The following SLC14A2 variants were observed in gnomAD, a reference collection of about 807,000 sequenced individuals.
The protein encoded by SLC14A2 is urea transporter 2.
A neutral mutation model predicts 104.6 loss-of-function variants in SLC14A2; 91 were observed. That is an observed-to-expected ratio of 0.87 (90% CI 0.73 to 1.04). The LOEUF is 1.04. SLC14A2 is among the 50% of genes least tolerant of loss of function. SLC14A2 has a pLI of 0.00. For synonymous variants in SLC14A2, 476 were observed against 466.4 expected (o/e 1.02, Z -0.27); for missense variants, 1,189 against 1,156.0 (o/e 1.03, Z -0.41).
At chr18:45,484,713 T>G (rs2087565544) in intron 2 of SLC14A2, among the ~76,000 whole-genome samples, 1 of 152,112 alleles carries the variant, frequency 6.6e-6, no homozygotes. Flanking sequence ...GATACTAGCT[T>G]TCAAACTAAC....
intron 1 of SLC14A2, among the ~76,000 whole-genome samples, chr18:45,225,883 T>C (rs1158092453): frequency 6.6e-6 from 1 of 152,122 alleles, no homozygotes; most frequent in Non-Finnish European, 1.5e-5. Flanking sequence ...CTTAAGGAGA[T>C]TTTGGGCTGA....
Position 45,628,094 on chromosome 18 carries a change from T to C in SLC14A2, c.521+947T>C, listed in dbSNP as rs189645241. On this transcript the variant is annotated intron_variant, in intron 4 of 19. Transcript: ENST00000255226. ...CCACTTCCTGAGACTTTGCCGTATA[T>C]TTTTCCAGTGGCTCCCAAACTTTCC... Among the ~76,000 whole-genome samples, 2 of 152,182 alleles carry C rather than the reference T, an allele frequency of 1.3e-5. 1 individual carries two copies. The highest frequency in any genetic ancestry group is 2.9e-5 in the Non-Finnish European group (2 of 68,010).
At chr18:45,174,735 G>GT in the SLC14A2 span, among the ~76,000 whole-genome samples, 1 of 152,108 alleles carries the variant, frequency 6.6e-6, no homozygotes, top group African/African-American at 2.4e-5. Context: ...ATTGGGCAGG[G>GT]TAGCAGGGGA....
rs1021783402 is a variant in SLC14A2, at chr18:45,659,348, T to A, written c.1352-4437T>A. Among the ~76,000 whole-genome samples, 3 of 152,232 alleles carry A rather than the reference T, an allele frequency of 2.0e-5. No individual in the cohort carries two copies. The South Asian group carries it at 6.2e-4, about 31-fold the overall frequency. ...AAAAGTGATTAAGGCAATTATTGAGTGCTTATTGTAAACAAAATTTACTCT... is the reference window on the plus strand; with the variant it reads ...AAAAGTGATTAAGGCAATTATTGAGAGCTTATTGTAAACAAAATTTACTCT... On this transcript the variant is annotated intron_variant, in intron 10 of 19. Coordinates refer to ENST00000255226, the MANE Select transcript of SLC14A2 (RefSeq NM_007163.4).
chr18:45,625,192 G>A (rs751409552), intron 2 of SLC14A2, among the ~76,000 whole-genome samples: 1 of 152,206 alleles, frequency 6.6e-6, no homozygotes, highest in Admixed American at 6.5e-5. Flanking sequence ...CTGCAGTAGA[G>A]AGGGACTCAA....
chr18:45,205,220 G>C, the SLC14A2 span, among the ~76,000 whole-genome samples: 1 of 152,172 alleles, frequency 6.6e-6, no homozygotes, highest in Admixed American at 6.5e-5. Context: ...CCAGGGATTA[G>C]TATCACCATT....
intron 1 of SLC14A2, among the ~76,000 whole-genome samples, chr18:45,414,984 T>A (rs1419222755): frequency 6.6e-6 from 1 of 151,678 alleles, no homozygotes; most frequent in Non-Finnish European, 1.5e-5. Context: ...CTCTCCAAAT[T>A]ACAAGGGTGC....
intron 1 of SLC14A2, among the ~76,000 whole-genome samples, chr18:45,319,623 A>C (rs2085164925): frequency 1.3e-5 from 2 of 152,362 alleles, no homozygotes; most frequent in African/African-American, 4.8e-5. Context: ...TGAACAAGAC[A>C]GTCTGGGCTT....
intron 1 of SLC14A2, among the ~76,000 whole-genome samples, chr18:45,413,783 T>C (rs1326016364): frequency 6.6e-6 from 1 of 152,220 alleles, no homozygotes; most frequent in African/African-American, 2.4e-5. Context: ...TCATGCTAGC[T>C]GTATGACTTT....
chr18:45,542,375 G>T (rs1025096058), intron 2 of SLC14A2: 2 of 151,932 alleles, frequency 1.3e-5, no homozygotes, highest in Non-Finnish European at 2.9e-5. Flanking sequence ...AGTGTCTCAA[G>T]CATAAAAGGT....
chr18:45,491,863 G>A (rs528891454), intron 2 of SLC14A2, among the ~76,000 whole-genome samples: 1 of 152,360 alleles, frequency 6.6e-6, no homozygotes, highest in East Asian at 1.9e-4. Flanking sequence ...GACCACTGGG[G>A]TCCCAGCCAG....
chr18:45,556,033 G>A (rs2044128630), intron 2 of SLC14A2, among the ~76,000 whole-genome samples: 1 of 152,146 alleles, frequency 6.6e-6, no homozygotes, highest in Admixed American at 6.5e-5. Flanking sequence ...CTGAAAGCTG[G>A]AAGTCCAAAA....
intron 1 of SLC14A2, among the ~76,000 whole-genome samples, chr18:45,329,549 G>A (rs982651570): frequency 6.6e-6 from 1 of 152,216 alleles, no homozygotes; most frequent in African/African-American, 2.4e-5. Flanking sequence ...AATTTATAAG[G>A]AGGGGGTAAG....
At chr18:45,341,650 T>A (rs1458672360) in intron 1 of SLC14A2, among the ~76,000 whole-genome samples, 1 of 145,030 alleles carries the variant, frequency 6.9e-6, no homozygotes, top group Non-Finnish European at 1.5e-5. Flanking sequence ...GGCCACCTAG[T>A]GGTGTGGTCT....
At chr18:45,410,743 G>A (rs2086206085) in intron 1 of SLC14A2, among the ~76,000 whole-genome samples, 1 of 152,160 alleles carries the variant, frequency 6.6e-6, no homozygotes, top group African/African-American at 2.4e-5. Context: ...GCAGAGTGGT[G>A]AAAACTTTGA....
chr18:45,641,129 C>G (rs2045520619), intron 7 of SLC14A2, 80 bp from the exon 8 acceptor site: 8 of 1,507,200 alleles, frequency 5.3e-6, no homozygotes, highest in Non-Finnish European at 7.3e-6. Flanking sequence ...GGAGGCCACT[C>G]TGAGACCTGG....
rs186641323 is a variant in SLC14A2 at position 45,527,698 on chromosome 18, A to G, written c.-35+44376A>G. On this transcript the variant is annotated intron_variant, in intron 2 of 20. Coordinates refer to the SLC14A2 transcript ENST00000586448. ...TAGGCAAATCGTTTGTTCTAAGTCT[A>G]TTTTTCTCAACTGTAAAGTTCAGTA... 9.2e-5 allele frequency among the ~76,000 whole-genome samples: 14 copies of G among 152,248 alleles called. No homozygotes were observed. In the South Asian group the frequency reaches 1.2e-3, roughly 14 times the overall value.
upstream of SLC14A2, among the ~76,000 whole-genome samples, chr18:45,208,319 G>A (rs1032710574): frequency 6.6e-6 from 1 of 152,100 alleles, no homozygotes; most frequent in African/African-American, 2.4e-5. Flanking sequence ...AAGCTTTGTC[G>A]TGATAAAGTT....
rs1356060814 is a variant in SLC14A2, at chr18:45,636,979, T to G, written c.651-11T>G. 1.9e-6 allele frequency: 3 copies of G among 1,611,588 alleles called. No individual in the cohort carries two copies. The highest frequency in any genetic ancestry group is 2.5e-6 in the Non-Finnish European group (3 of 1,178,398). The stretch of plus-strand genomic sequence containing the variant: ...TCACAGGGATTAACCCTCTGTCTCT[T>G]GCATCTTCAGCCCAGTTCTTTCTAG... On this transcript the variant is annotated splice_polypyrimidine_tract_variant and intron_variant, in intron 5 of 19. Transcript: ENST00000255226.
Sources: allele counts gnomAD v4.1 joint callset (sites outside exome capture counted in the v4.1 genomes callset), GRCh38; gene constraint gnomAD v4.1.1; transcripts MANE v1.5; gene names NCBI Gene and HGNC (gene_info 2026-07-23, HGNC 2026-07-21).